Variants in VWC2L observed in about 807,000 individuals in gnomAD.
VWC2L encodes von Willebrand factor C domain containing 2 like, also known as von Willebrand factor C domain-containing protein 2-like.
In VWC2L, 10 loss-of-function variants were observed where a neutral mutation model predicts 21.6. That is an observed-to-expected ratio of 0.46 (90% confidence interval 0.29 to 0.78). VWC2L has a LOEUF of 0.78. VWC2L is among the 30% of genes least tolerant of loss of function. The pLI is 0.10. For synonymous variants in VWC2L, 96 were observed against 94.3 expected (o/e 1.02, Z -0.10); for missense variants, 209 against 277.1 (o/e 0.75, Z 1.74).
intron 3 of VWC2L, among the ~76,000 whole-genome samples, chr2:214,554,123 C>T (rs1319050729): frequency 6.6e-6 from 1 of 150,464 alleles, no homozygotes; most frequent in East Asian, 1.9e-4. Flanking sequence ...TTCCTTTTCA[C>T]CCCACAAGTC....
intron 2 of VWC2L, among the ~76,000 whole-genome samples, chr2:214,424,275 A>G (rs1702489871): frequency 1.3e-5 from 2 of 152,146 alleles, no homozygotes; most frequent in South Asian, 2.1e-4. Context: ...GTTATTTTTC[A>G]TGGTCAAATA....
rs1030835390 is a variant in VWC2L at position 214,575,875 on chromosome 2, C to G, written c.*55C>G. 2.3e-5 allele frequency: 36 copies of G among 1,562,602 alleles called. No individual in the cohort carries two copies. Among genetic ancestry groups the G allele is most frequent in the Admixed American group, 3.5e-5 (2 of 56,434 alleles). On this transcript the variant is annotated 3_prime_UTR_variant, in exon 4 of 4. Coordinates refer to ENST00000312504, the MANE Select transcript of VWC2L (RefSeq NM_001080500.4). ...AGGAAAGGATGCTATGGCTTCAACACTGCACATGTTTAACACAAAACAAAA... is the reference window on the plus strand; with the variant it reads ...AGGAAAGGATGCTATGGCTTCAACAGTGCACATGTTTAACACAAAACAAAA...
chr2:214,421,885 C>T (rs878960125), intron 2 of VWC2L, among the ~76,000 whole-genome samples: 146 of 76,112 alleles, frequency 1.9e-3, no homozygotes, highest in East Asian at 0.016. Flanking sequence ...TTTCCTACAT[C>T]TTTTTTTTTT....
At chr2:214,499,009 C>CTT (rs56085205) in intron 3 of VWC2L, among the ~76,000 whole-genome samples, 20 of 83,416 alleles carry the variant, frequency 2.4e-4, no homozygotes, top group South Asian at 3.7e-4. Flanking sequence ...TCGTACCATT[C>CTT]TTTTTTTTTT....
rs1574580757 is a variant in VWC2L, at chr2:214,467,352, C to T, written c.520+30594C>T. Among the ~76,000 whole-genome samples, 9 of 139,980 alleles carry T rather than the reference C, an allele frequency of 6.4e-5. 2 individuals are homozygous for T. Among genetic ancestry groups the T allele is most frequent in the Admixed American group, 6.1e-4 (9 of 14,762 alleles). The allele number at this position is 139,980 out of a possible 152,430, so 91.8% of individuals were successfully genotyped here. ...CAGGTCTGTTGAGTTTTCTGAGAAG[C>T]TCAATCCTCACTCAAGCTGCCTTGG... On this transcript the variant is annotated intron_variant, in intron 3 of 3. Coordinates refer to ENST00000312504, the MANE Select transcript of VWC2L (RefSeq NM_001080500.4).
intron 3 of VWC2L, among the ~76,000 whole-genome samples, chr2:214,460,120 T>C (rs1239794295): frequency 6.6e-6 from 1 of 151,862 alleles, no homozygotes; most frequent in Non-Finnish European, 1.5e-5. Context: ...GTTGGCCAGT[T>C]TCACTCCTGA....
intron 2 of VWC2L, among the ~76,000 whole-genome samples, chr2:214,431,302 T>C (rs768477003): frequency 1.3e-5 from 2 of 152,226 alleles, no homozygotes; most frequent in Non-Finnish European, 2.9e-5. Flanking sequence ...TGCCATAAAT[T>C]AGCTCTAAAA....
chr2:214,573,264 C>T (rs1042044712), intron 3 of VWC2L, among the ~76,000 whole-genome samples: 1 of 152,132 alleles, frequency 6.6e-6, no homozygotes, highest in Non-Finnish European at 1.5e-5. Flanking sequence ...CACATACACA[C>T]ATACGCACGC....
intron 3 of VWC2L, among the ~76,000 whole-genome samples, chr2:214,445,087 T>A (rs1702818699): frequency 6.6e-6 from 1 of 151,746 alleles, no homozygotes; most frequent in South Asian, 2.1e-4. Context: ...TTAAAAAAAA[T>A]AAACAAATAT....
intron 3 of VWC2L, among the ~76,000 whole-genome samples, chr2:214,559,990 G>A (rs2105928879): frequency 6.6e-6 from 1 of 152,244 alleles, no homozygotes; most frequent in South Asian, 2.1e-4. Context: ...TGAAACAATG[G>A]CTGGTACATG....
intron 3 of VWC2L, among the ~76,000 whole-genome samples, chr2:214,476,372 CA>C (rs1277562370): frequency 6.6e-6 from 1 of 152,084 alleles, no homozygotes; most frequent in East Asian, 1.9e-4. Flanking sequence ...ACATACTGGT[CA>C]AAATGCTAGT....
intron 3 of VWC2L, among the ~76,000 whole-genome samples, chr2:214,539,421 ATCAC>A (rs1689592286): frequency 1.3e-5 from 2 of 152,198 alleles, no homozygotes; most frequent in Non-Finnish European, 2.9e-5. Context: ...CAGTATAGTT[ATCAC>A]TGCTAGCTAA....
At chr2:214,514,418 A>T (rs1351152778) in intron 3 of VWC2L, among the ~76,000 whole-genome samples, 1 of 151,186 alleles carries the variant, frequency 6.6e-6, no homozygotes, top group Non-Finnish European at 1.5e-5. Flanking sequence ...GCCTATTTGA[A>T]ATCTCCCTTT....
At chr2:214,486,654 C>A (rs1172750635) in intron 3 of VWC2L, among the ~76,000 whole-genome samples, 1 of 152,084 alleles carries the variant, frequency 6.6e-6, no homozygotes, top group Non-Finnish European at 1.5e-5. Flanking sequence ...AAGAATGTTG[C>A]CCGTACACTC....
At chr2:214,448,644 T>A (rs1254343742) in intron 3 of VWC2L, among the ~76,000 whole-genome samples, 2 of 152,178 alleles carry the variant, frequency 1.3e-5, no homozygotes, top group Non-Finnish European at 2.9e-5. Context: ...AAGAACAGAC[T>A]TCATGTAATG....
At chr2:214,507,433 A>G (rs1688982887) in intron 3 of VWC2L, among the ~76,000 whole-genome samples, 1 of 152,244 alleles carries the variant, frequency 6.6e-6, no homozygotes, top group African/African-American at 2.4e-5. Flanking sequence ...ATTTTCACAT[A>G]TATTACCATA....
intron 3 of VWC2L, among the ~76,000 whole-genome samples, chr2:214,459,096 G>A (rs898040517): frequency 2.6e-5 from 4 of 152,158 alleles, no homozygotes; most frequent in East Asian, 1.9e-4. Flanking sequence ...GGATACTCTG[G>A]TGTTGGTGCA....
intron 3 of VWC2L, among the ~76,000 whole-genome samples, chr2:214,511,890 A>G (rs1244926027): frequency 7.7e-6 from 1 of 130,100 alleles, no homozygotes; most frequent in Non-Finnish European, 1.7e-5. Context: ...TATACTTTAT[A>G]TAGATATACT....
chr2:214,545,078 A>C (rs1260589952), intron 3 of VWC2L, among the ~76,000 whole-genome samples: 1 of 152,184 alleles, frequency 6.6e-6, no homozygotes, highest in Non-Finnish European at 1.5e-5. Flanking sequence ...TCATTGCTAA[A>C]TGCATCCACT....
Sources: allele counts gnomAD v4.1 joint callset (sites outside exome capture counted in the v4.1 genomes callset), GRCh38; gene constraint gnomAD v4.1.1; transcripts MANE v1.5; gene names NCBI Gene and HGNC (gene_info 2026-07-23, HGNC 2026-07-21).